Variants in AKAP13 observed in about 807,000 individuals in gnomAD.
AKAP13 encodes the protein A-kinase anchor protein 13.
In AKAP13, 80 loss-of-function variants were observed where a neutral mutation model predicts 264.5. The ratio of observed to expected loss-of-function variants is 0.30; its 90% CI spans 0.25 to 0.36. AKAP13 has a LOEUF of 0.36. Ranked by LOEUF, AKAP13 falls within the 10% of genes least tolerant of loss-of-function variation. The pLI is 1.00. For missense variants in AKAP13, 3,712 were observed against 3,435.2 expected, an observed-to-expected ratio of 1.08 and a Z score of -2.01; for synonymous variants, 1,380 against 1,250.2, an observed-to-expected ratio of 1.10 and a Z score of -2.19.
intron 1 of AKAP13, among the ~76,000 whole-genome samples, chr15:85,417,547 A>G (rs1010342897): frequency 6.6e-6 from 1 of 152,234 alleles, no homozygotes; most frequent in Admixed American, 6.5e-5. Context: ...GTTGCAATGT[A>G]ATGACAAGTC....
At chr15:85,505,467 A>G (rs1345633802) in intron 2 of AKAP13, among the ~76,000 whole-genome samples, 1 of 152,234 alleles carries the variant, frequency 6.6e-6, no homozygotes, top group Non-Finnish European at 1.5e-5. Flanking sequence ...ACACAACCTG[A>G]TTAAAAAAGA....
intron 1 of AKAP13, among the ~76,000 whole-genome samples, chr15:85,434,334 TCGCTGA>T (rs1029739566): frequency 3.3e-5 from 5 of 152,086 alleles, no homozygotes; most frequent in Middle Eastern, 6.8e-3. Context: ...CCACGGAATC[TCGCTGA>T]CTGCTAGCAC....
At chr15:85,420,211 G>A (rs2072460398) in intron 1 of AKAP13, among the ~76,000 whole-genome samples, 1 of 151,714 alleles carries the variant, frequency 6.6e-6, no homozygotes, top group South Asian at 2.1e-4. Context: ...AAAGTGCTGG[G>A]ATTACAGGCG....
intron 2 of AKAP13, among the ~76,000 whole-genome samples, chr15:85,502,392 A>T: frequency 6.6e-6 from 1 of 152,152 alleles, no homozygotes; most frequent in East Asian, 1.9e-4. Flanking sequence ...AGCATTTAAC[A>T]TATGTAATTT....
Position 85,718,287 on chromosome 15 carries a change from A to C in AKAP13, c.6001+128A>C. 8.8e-7 allele frequency: 1 copy of C among 1,136,994 alleles called. No homozygotes were observed. Among genetic ancestry groups the C allele is most frequent in the Non-Finnish European group, 1.2e-6 (1 of 808,600 alleles). 70.4% of individuals were successfully genotyped at this position (1,136,994 alleles called of 1,614,324 possible). A position where few individuals can be genotyped will look rare whatever the true frequency, so the allele number is the denominator to read the frequency against. ...CTTCTTGAAAAGATTTCCTTTAAAA[A>C]CTTTAAGGTACAGAGACGTGGTCCT... On this transcript the variant is annotated intron_variant, in intron 22 of 36. Coordinates refer to ENST00000394518, the MANE Select transcript of AKAP13 (RefSeq NM_007200.5). The surrounding 1 kb of genome is among the most constrained non-coding windows in gnomAD (Gnocchi z 4.9).
At chr15:85,620,891 C>T (rs1596752564) in intron 8 of AKAP13, among the ~76,000 whole-genome samples, 1 of 152,152 alleles carries the variant, frequency 6.6e-6, no homozygotes, top group South Asian at 2.1e-4. Flanking sequence ...AGTAAGAACT[C>T]CTCCAGCCGG....
rs149478522 is a variant in AKAP13, at chr15:85,407,529, C to T, written c.-12+26731C>T. On this transcript the variant is annotated intron_variant, in intron 1 of 36. Coordinates refer to ENST00000394518, the MANE Select transcript of AKAP13 (RefSeq NM_007200.5). Reference sequence around the variant, plus strand: ...TGCTGGGATTATAGGCATGAGCCATCGTGCCCGGCCTGTGCTGGGTCTTAA... The same window carrying T: ...TGCTGGGATTATAGGCATGAGCCATTGTGCCCGGCCTGTGCTGGGTCTTAA... 7.1e-4 allele frequency among the ~76,000 whole-genome samples: 108 copies of T among 151,696 alleles called. No homozygotes were observed. The East Asian group carries it at 0.019, about 26-fold the overall frequency.
chr15:85,684,766 C>G lies in AKAP13; in HGVS notation c.5182C>G (p.Leu1728Val). Residue 1728 changes from leucine (L) to valine (V), a missense_variant, in exon 16 of 37, where the codon CTG becomes GTG. Leu to Val is a conservative substitution (Grantham distance 32, BLOSUM62 1). Transcript: ENST00000394518. ...ESITEENYNFLPHSPSKKDSE... is the reference protein window; with the variant it reads ...ESITEENYNFVPHSPSKKDSE... ...TATAACAGAAGAGAACTATAATTTC[C>G]TGCCACATAGCCCCTCCAAGAAAGA... is the stretch of plus-strand genomic sequence containing the variant. 6.2e-7 allele frequency: 1 copy of G among 1,613,104 alleles called. No individual in the cohort carries two copies. The highest frequency in any genetic ancestry group is 8.5e-7 in the Non-Finnish European group (1 of 1,179,816).
At chr15:85,514,843 G>GGTTT (rs1555437898) in intron 2 of AKAP13, among the ~76,000 whole-genome samples, 1 of 124,794 alleles carries the variant, frequency 8.0e-6, no homozygotes. Context: ...ATTTTGAGGG[G>GGTTT]TTTTTTTTTT....
At chr15:85,591,277 A>C (rs927742341) in intron 8 of AKAP13, among the ~76,000 whole-genome samples, 4 of 152,212 alleles carry the variant, frequency 2.6e-5, no homozygotes, top group Non-Finnish European at 4.4e-5. Context: ...ACACTTGGGA[A>C]GTCCCATCCA....
chr15:85,421,421 T>C (rs1297192323), intron 1 of AKAP13, among the ~76,000 whole-genome samples: 1 of 152,236 alleles, frequency 6.6e-6, no homozygotes, highest in Non-Finnish European at 1.5e-5. Flanking sequence ...TCCTGGCGTT[T>C]TTGAGAAGGA....
At position 85,717,334 on chromosome 15, in the gene AKAP13, C is replaced by T. The variant is rs1430945492; in HGVS notation, c.5780C>T (p.Ser1927Phe). The change falls in exon 21 of 37, where the codon TCT (serine) becomes TTT (phenylalanine). Residue 1927 changes from serine to phenylalanine, a missense_variant. Physicochemically the swap from Ser to Phe is radical, Grantham distance 155. Around this residue, in one of 3 missense-constraint regions of AKAP13, gnomAD observed 2,759 missense variants for 2,411.7 expected, o/e 1.14. Coordinates refer to ENST00000394518, the MANE Select transcript of AKAP13 (RefSeq NM_007200.5). Reference sequence around the variant, plus strand: ...ATGTCAAACACCTGGAAATTCCTGTCTCATTCAACAGACTCACTAAATAAA... The same window carrying T: ...ATGTCAAACACCTGGAAATTCCTGTTTCATTCAACAGACTCACTAAATAAA... ...ENMSNTWKFL[S>F]HSTDSLNKIS... 6.2e-7 allele frequency: 1 copy of T among 1,612,926 alleles called. No individual in the cohort carries two copies. The highest frequency in any genetic ancestry group is 2.2e-5 in the East Asian group (1 of 44,860).
At chr15:85,615,123 T>A (rs1476611793) in intron 8 of AKAP13, among the ~76,000 whole-genome samples, 1 of 152,270 alleles carries the variant, frequency 6.6e-6, no homozygotes, top group African/African-American at 2.4e-5. Context: ...AGATACTTTT[T>A]TCTTATATTG....
chr15:85,659,790 A>C (rs992247424), intron 12 of AKAP13, among the ~76,000 whole-genome samples: 2 of 152,188 alleles, frequency 1.3e-5, no homozygotes, highest in African/African-American at 4.8e-5. Context: ...TTTTGTAGGA[A>C]GAACGTAATG....
chr15:85,588,717 A>G (rs971269225), intron 8 of AKAP13, among the ~76,000 whole-genome samples: 1 of 152,294 alleles, frequency 6.6e-6, no homozygotes, highest in Non-Finnish European at 1.5e-5. Flanking sequence ...GTTGGTCAGC[A>G]TACCTCAATT....
chr15:85,668,667 C>T (rs537351303), intron 13 of AKAP13, among the ~76,000 whole-genome samples: 1 of 152,306 alleles, frequency 6.6e-6, no homozygotes, highest in South Asian at 2.1e-4. Context: ...AGAGGCCAGG[C>T]CTGGTGGTTC....
chr15:85,564,220 A>C (rs139161168), intron 5 of AKAP13, among the ~76,000 whole-genome samples: 5 of 152,214 alleles, frequency 3.3e-5, no homozygotes, highest in African/African-American at 1.2e-4. Flanking sequence ...AATGTTTTAC[A>C]TTTAACTTTG....
chr15:85,553,732 G>A (rs537450974), intron 5 of AKAP13, among the ~76,000 whole-genome samples: 1 of 152,222 alleles, frequency 6.6e-6, no homozygotes, highest in Admixed American at 6.5e-5. Context: ...TGGACTGTTA[G>A]GACCCAGGTT....
At chr15:85,682,446 T>C (rs1345840249) in intron 15 of AKAP13, among the ~76,000 whole-genome samples, 1 of 152,208 alleles carries the variant, frequency 6.6e-6, no homozygotes, top group Non-Finnish European at 1.5e-5. Context: ...GTTGTATTTA[T>C]TGATGTGAGG....
Sources: allele counts gnomAD v4.1 joint callset (sites outside exome capture counted in the v4.1 genomes callset), GRCh38; gene constraint gnomAD v4.1.1; regional missense constraint gnomAD v4.1.1; non-coding constraint Gnocchi (gnomAD v3.1); transcripts MANE v1.5; gene names NCBI Gene and HGNC (gene_info 2026-07-23, HGNC 2026-07-21).